LRP1B: variants seen among roughly 807,000 people sequenced by gnomAD.
The protein encoded by LRP1B is LDL receptor related protein 1B, also known as low-density lipoprotein receptor-related protein 1B.
LRP1B carries 217 observed loss-of-function variants against 556.6 expected under a neutral mutation model. The ratio of observed to expected loss-of-function variants is 0.39; its 90% CI spans 0.35 to 0.44. LRP1B has a LOEUF of 0.44. LRP1B is among the 20% of genes least tolerant of loss of function. The pLI is 1.00. For synonymous variants in LRP1B, 2,047 were observed against 1,865.8 expected (o/e 1.10, Z -2.50); for missense variants, 5,053 against 5,620.8 (o/e 0.90, Z 3.23).
At chr2:140,603,969 C>T (rs544043817) in intron 41 of LRP1B, among the ~76,000 whole-genome samples, 1 of 151,910 alleles carries the variant, frequency 6.6e-6, no homozygotes, top group East Asian at 1.9e-4. Flanking sequence ...TGTGTGTGTG[C>T]ACACACATCT....
chr2:141,717,448 A>G (rs1215813899), intron 2 of LRP1B, among the ~76,000 whole-genome samples: 1 of 152,184 alleles, frequency 6.6e-6, no homozygotes, highest in African/African-American at 2.4e-5. Flanking sequence ...AGTGTTTTCC[A>G]AATATCAGGT....
intron 3 of LRP1B, among the ~76,000 whole-genome samples, chr2:141,291,620 G>T (rs1685953113): frequency 6.6e-6 from 1 of 152,076 alleles, no homozygotes; most frequent in Non-Finnish European, 1.5e-5. Context: ...ACTTTGGGAG[G>T]CCGAGGCAGG....
chr2:141,868,736 C>T (rs1698490574), intron 1 of LRP1B, among the ~76,000 whole-genome samples: 1 of 152,044 alleles, frequency 6.6e-6, no homozygotes, highest in Admixed American at 6.6e-5. Context: ...TTTCTTAAAG[C>T]TAATGGTGAA....
chr2:140,591,722 A>G (rs1453833218), intron 43 of LRP1B, among the ~76,000 whole-genome samples: 1 of 152,196 alleles, frequency 6.6e-6, no homozygotes, highest in African/African-American at 2.4e-5. Flanking sequence ...AATGTCCTAC[A>G]AGATATTCTC....
At chr2:140,357,539 G>C (rs1219515726) in intron 74 of LRP1B, among the ~76,000 whole-genome samples, 1 of 151,074 alleles carries the variant, frequency 6.6e-6, no homozygotes, top group Non-Finnish European at 1.5e-5. Context: ...AAGTATCATG[G>C]CACTGTAACT....
At chr2:140,247,499 AC>A (rs1681218377) in intron 86 of LRP1B, among the ~76,000 whole-genome samples, 1 of 151,656 alleles carries the variant, frequency 6.6e-6, no homozygotes, top group Admixed American at 6.6e-5. Flanking sequence ...GTGGCCACTT[AC>A]AAAAATTGAG....
At chr2:140,407,767 T>C (rs1019081559) in intron 66 of LRP1B, among the ~76,000 whole-genome samples, 5 of 151,986 alleles carry the variant, frequency 3.3e-5, no homozygotes, top group African/African-American at 1.2e-4. Context: ...GAAAACGGTA[T>C]GGAAATTCCT....
chr2:140,995,710 A>G (rs77903718), intron 15 of LRP1B, among the ~76,000 whole-genome samples: 3,463 of 152,138 alleles, frequency 0.023, 67 homozygotes, highest in Non-Finnish European at 0.031. Flanking sequence ...AGAAAAACTC[A>G]GGCCTACTTA....
intron 7 of LRP1B, among the ~76,000 whole-genome samples, chr2:141,074,070 G>A (rs1699717555): frequency 6.6e-6 from 1 of 151,994 alleles, no homozygotes; most frequent in African/African-American, 2.4e-5. Context: ...CAACAATGGC[G>A]AACATGAGCT....
At chr2:141,740,494 C>T (rs1026479175) in intron 2 of LRP1B, among the ~76,000 whole-genome samples, 1 of 152,022 alleles carries the variant, frequency 6.6e-6, no homozygotes, top group Non-Finnish European at 1.5e-5. Flanking sequence ...TTGTCAGTTA[C>T]AAGAGATATT....
At chr2:141,207,705 C>T (rs1171970781) in intron 6 of LRP1B, among the ~76,000 whole-genome samples, 1 of 151,942 alleles carries the variant, frequency 6.6e-6, no homozygotes, top group Non-Finnish European at 1.5e-5. Flanking sequence ...GATGAAGTTT[C>T]ACTCTTGTTG....
chr2:140,405,767 T>C (rs1367215278), intron 66 of LRP1B, among the ~76,000 whole-genome samples: 2 of 152,108 alleles, frequency 1.3e-5, no homozygotes, highest in African/African-American at 4.8e-5. Context: ...CTACCAGATA[T>C]TCAAAGAAGA....
At chr2:140,700,158 T>C (rs1028244202) in intron 41 of LRP1B, 92 bp downstream of exon 41, 5 of 1,135,472 alleles carry the variant, frequency 4.4e-6, no homozygotes, top group Non-Finnish European at 6.3e-6. Flanking sequence ...TCTAGGAAAA[T>C]GTAATTGCTA....
At chr2:141,802,295 A>G (rs994531259) in intron 2 of LRP1B, among the ~76,000 whole-genome samples, 1 of 152,064 alleles carries the variant, frequency 6.6e-6, no homozygotes, top group African/African-American at 2.4e-5. Flanking sequence ...TTCCCTCCCA[A>G]GGTATCTTTC....
At chr2:142,123,369 C>A (rs552020452) in intron 1 of LRP1B, among the ~76,000 whole-genome samples, 2 of 152,042 alleles carry the variant, frequency 1.3e-5, no homozygotes, top group East Asian at 3.9e-4. Flanking sequence ...TGAAGGATGT[C>A]AATGCAATGT....
chr2:140,884,697 A>T (rs77636460), intron 24 of LRP1B, among the ~76,000 whole-genome samples: 1 of 152,066 alleles, frequency 6.6e-6, no homozygotes, highest in Non-Finnish European at 1.5e-5. Context: ...TTTCTTTCAC[A>T]ATTTAAAAAA....
chr2:141,878,828 G>A (rs150814323), intron 1 of LRP1B, among the ~76,000 whole-genome samples: 3,923 of 151,568 alleles, frequency 0.026, 73 homozygotes, highest in South Asian at 0.069. Flanking sequence ...TTTATTTATG[G>A]GACAGAAGGG....
intron 1 of LRP1B, among the ~76,000 whole-genome samples, chr2:141,940,839 G>A (rs1224552168): frequency 6.6e-6 from 1 of 152,114 alleles, no homozygotes; most frequent in East Asian, 1.9e-4. Flanking sequence ...AAAGACCTTA[G>A]GGATAATCTC....
At chr2:141,285,354 T>G (rs569255597) in intron 3 of LRP1B, among the ~76,000 whole-genome samples, 2 of 151,972 alleles carry the variant, frequency 1.3e-5, no homozygotes, top group South Asian at 4.2e-4. Context: ...CCCAAAGTGC[T>G]GGGATTACAG....
Sources: allele counts gnomAD v4.1 joint callset (sites outside exome capture counted in the v4.1 genomes callset), GRCh38; gene constraint gnomAD v4.1.1; transcripts MANE v1.5; gene names NCBI Gene and HGNC (gene_info 2026-07-23, HGNC 2026-07-21).